NOX5: variants seen among roughly 807,000 people sequenced by gnomAD.
NOX5 encodes NADPH oxidase 5, also known as NADPH oxidase, EF-hand calcium binding domain 5.
A neutral mutation model predicts 85.7 loss-of-function variants in NOX5; 76 were observed. That is an observed-to-expected ratio of 0.89 (90% CI 0.74 to 1.07). NOX5 has a LOEUF of 1.07. NOX5 is among the 50% of genes least tolerant of loss of function. The pLI, the probability that NOX5 is intolerant of heterozygous loss-of-function variation, is 0.00. For synonymous variants in NOX5, 405 were observed against 401.4 expected (o/e 1.01, Z -0.11); for missense variants, 973 against 999.5 (o/e 0.97, Z 0.36).
In NOX5 at chr15:69,057,527, C is replaced by T. The variant is rs1450239845; in HGVS notation, c.*831C>T. On this transcript the variant is annotated 3_prime_UTR_variant, in exon 16 of 16. Coordinates refer to ENST00000388866, the MANE Select transcript of NOX5 (RefSeq NM_024505.4). ...GCCTCTCTGGGCTCTGTATGCTGGCCTCTTCCTTCTCTCTGTGTGCTGAGT... is the reference window on the plus strand; with the variant it reads ...GCCTCTCTGGGCTCTGTATGCTGGCTTCTTCCTTCTCTCTGTGTGCTGAGT... The T allele has an allele frequency of 4.6e-5, 7 of 152,234 alleles. No homozygotes were observed. The East Asian group carries it at 1.2e-3, about 25-fold the overall frequency. The allele number at this position is 152,234 out of a possible 1,614,324, so 9.4% of individuals were successfully genotyped here.
At chr15:69,037,388 G>A (rs1180797824) in intron 8 of NOX5, among the ~76,000 whole-genome samples, 178 bp downstream of exon 8, 4 of 152,198 alleles carry the variant, frequency 2.6e-5, no homozygotes, top group African/African-American at 9.7e-5. Context: ...CTCCAGGAGG[G>A]AAGCTTTAGG....
Position 69,055,613 on chromosome 15 carries a change from A to G in NOX5, c.2166+113A>G, listed in dbSNP as rs896519889. 9 of 1,163,582 alleles carry G rather than the reference A, an allele frequency of 7.7e-6. No homozygotes were observed. The African/African-American group carries it at 1.1e-4, about 14-fold the overall frequency. 72.1% of individuals were successfully genotyped at this position (1,163,582 alleles called of 1,614,324 possible). ...AGGGGCAAAGTGTGAGGTTAAGTCCAGAGTCCAGAAGGGACCTCGTGGTGT... is the reference window on the plus strand; with the variant it reads ...AGGGGCAAAGTGTGAGGTTAAGTCCGGAGTCCAGAAGGGACCTCGTGGTGT... On this transcript the variant is annotated intron_variant, in intron 15 of 15. Transcript: ENST00000388866.
chr15:69,056,496 T>C, intron 15 of NOX5, 69 bp from the exon 16 acceptor site: 2 of 1,580,300 alleles, frequency 1.3e-6, no homozygotes, highest in South Asian at 2.3e-5. Context: ...CTCCAGGTGG[T>C]TGTGTCACTG....
intron 11 of NOX5, 94 bp from the exon 12 acceptor site, chr15:69,047,319 A>G: frequency 6.9e-7 from 1 of 1,447,124 alleles, no homozygotes; most frequent in Non-Finnish European, 9.1e-7. Flanking sequence ...TTCTATATAT[A>G]AAGGGGGTTC....
At chr15:69,035,214 A>T in intron 5 of NOX5, 140 bp from the exon 6 acceptor site, 1 of 836,320 alleles carries the variant, frequency 1.2e-6, no homozygotes, top group Non-Finnish European at 1.8e-6. Context: ...GGAAGCAACA[A>T]GGCATGGGGG....
rs753430216 is a variant in NOX5, at chr15:69,031,793, A to T, written c.601A>T (p.Met201Leu). The change falls in exon 4 of 16, where the codon ATG (methionine) becomes TTG (leucine). Residue 201 changes from methionine to leucine, a missense_variant. Coordinates refer to ENST00000388866, the MANE Select transcript of NOX5 (RefSeq NM_024505.4). Reference sequence around the variant, plus strand: ...CGAGCTGCAGCGCTTCCCCGGAGTCATGGAGAACCTGACCATCAGGTACGG... The same window carrying T: ...CGAGCTGCAGCGCTTCCCCGGAGTCTTGGAGAACCTGACCATCAGGTACGG... ...RDELQRFPGV[M>L]ENLTISAAHW... 6.2e-7 allele frequency: 1 copy of T among 1,600,440 alleles called. No homozygotes were observed.
intron 10 of NOX5, chr15:69,045,979 C>T (rs2050668864): frequency 6.6e-6 from 1 of 152,274 alleles, no homozygotes; most frequent in Admixed American, 6.5e-5. Context: ...CCAGGCTCTA[C>T]CCGAGCTCTG....
intron 7 of NOX5, among the ~76,000 whole-genome samples, chr15:69,036,353 A>G (rs1159054884): frequency 6.6e-6 from 1 of 152,210 alleles, no homozygotes. Context: ...GCGATAATAC[A>G]TGTAAAACCA....
intron 1 of NOX5, chr15:69,023,111 C>A: frequency 5.0e-6 from 2 of 401,984 alleles, no homozygotes; most frequent in South Asian, 4.5e-5. Flanking sequence ...TCCTGGGTGT[C>A]ATTAATGGAG....
rs2050500764 is a variant in NOX5 at position 69,035,447 on chromosome 15, A to G, written c.949A>G (p.Met317Val). The change falls in exon 6 of 16, where the codon ATG becomes GTG. Residue 317 changes from methionine to valine, a missense_variant. Transcript: ENST00000388866. ...LDQNIQFHQL[M>V]GYVVVGLSLV... ...CCAGAACATCCAGTTCCACCAGCTT[A>G]TGGGCTACGTGGTAGTGGGGCTGTC... The G allele has an allele frequency of 6.2e-7, 1 of 1,614,006 alleles. No homozygotes were observed. Among genetic ancestry groups the G allele is most frequent in the African/African-American group, 1.3e-5 (1 of 74,912 alleles).
intron 1 of NOX5, among the ~76,000 whole-genome samples, chr15:69,021,818 A>G (rs2050298784): frequency 6.6e-6 from 1 of 152,058 alleles, no homozygotes; most frequent in African/African-American, 2.4e-5. Flanking sequence ...TTTATCCTTA[A>G]TCATGCTTTT....
Position 69,038,857 on chromosome 15 carries a change from G to A in NOX5, c.1372G>A (p.Val458Ile). 2 of 1,614,084 alleles carry A rather than the reference G, an allele frequency of 1.2e-6. No homozygotes were observed. Among genetic ancestry groups the A allele is most frequent in the Non-Finnish European group, 1.7e-6 (2 of 1,180,016 alleles). Residue 458 changes from valine to isoleucine, a missense_variant and splice_region_variant, in exon 9 of 16, where the codon GTC becomes ATC. By Grantham distance (29) the Val-to-Ile change is conservative. Transcript: ENST00000388866. ...TGCAGATCTCCTTCCTCTTTCCCAG[G>A]TCACTCATCTCCTCATCAAGCGGCC... The part of the protein sequence containing the change: ...IMEVNLLPSK[V>I]THLLIKRPPF...
At chr15:69,030,837 C>T (rs892816558) in intron 3 of NOX5, 2 of 152,192 alleles carry the variant, frequency 1.3e-5, no homozygotes, top group Admixed American at 1.3e-4. Flanking sequence ...TGATTACTCT[C>T]ATTTTAGAGA....
chr15:69,039,013 C>T (rs1355536194), intron 9 of NOX5, 24 bp downstream of exon 9: 1 of 1,613,518 alleles, frequency 6.2e-7, no homozygotes, highest in Admixed American at 1.7e-5. Flanking sequence ...CCTCCAGTCA[C>T]TCTGCACATA....
chr15:69,047,936 G>A, intron 13 of NOX5, 25 bp downstream of exon 13: 1 of 1,608,914 alleles, frequency 6.2e-7, no homozygotes, highest in Admixed American at 1.7e-5. Context: ...CTGCAGGCAG[G>A]CCTCCAGACC....
At position 69,038,843 on chromosome 15, in the gene NOX5, T is replaced by C. The variant is rs776058784; in HGVS notation, c.1372-14T>C. 1 of 1,614,084 alleles carries C rather than the reference T, an allele frequency of 6.2e-7. No individual in the cohort carries two copies. The highest frequency in any genetic ancestry group is 1.1e-5 in the South Asian group (1 of 91,064). ...GCCTGCAGGAATGATGCAGATCTCC[T>C]TCCTCTTTCCCAGGTCACTCATCTC... On this transcript the variant is annotated splice_polypyrimidine_tract_variant and intron_variant, in intron 8 of 15. Coordinates refer to ENST00000388866, the MANE Select transcript of NOX5 (RefSeq NM_024505.4).
At chr15:69,016,673 C>T (rs1463029726) in intron 1 of NOX5, among the ~76,000 whole-genome samples, 1 of 152,160 alleles carries the variant, frequency 6.6e-6, no homozygotes, top group Non-Finnish European at 1.5e-5. Context: ...GCTAGACAGA[C>T]ATCCTATGCC....
chr15:69,033,016 T>C, intron 4 of NOX5, 27 bp from the exon 5 acceptor site: 1 of 1,536,912 alleles, frequency 6.5e-7, no homozygotes, highest in Admixed American at 2.2e-5. Flanking sequence ...ACCGCTCGCC[T>C]CTGAGCGGAA....
chr15:69,047,885 G>A lies in NOX5; in HGVS notation c.1873G>A (p.Val625Ile), dbSNP rs1346690203. ...PSCQHSWIEG[V>I]QDNMKLHKVD... ...CTGCCAGCACTCCTGGATCGAAGGT[G>A]TCCAAGACAACATGAAGCTCCATAA... The change falls in exon 13 of 16, where the codon GTC (valine) becomes ATC (isoleucine). Residue 625 changes from valine (V) to isoleucine (I), a missense_variant. Transcript: ENST00000388866. The A allele has an allele frequency of 2.5e-6, 4 of 1,614,176 alleles. 1 individual carries two copies. In the Admixed American group the frequency reaches 6.7e-5, roughly 27 times the overall value.
Sources: allele counts gnomAD v4.1 joint callset (sites outside exome capture counted in the v4.1 genomes callset), GRCh38; gene constraint gnomAD v4.1.1; transcripts MANE v1.5; gene names NCBI Gene and HGNC (gene_info 2026-07-23, HGNC 2026-07-21).